The following CNTN3 variants were observed in gnomAD, a reference collection of about 807,000 sequenced individuals.
CNTN3 encodes the protein contactin 3.
Under a neutral mutation model 119.1 loss-of-function variants are expected in CNTN3, and 60 were observed. That is an observed-to-expected ratio of 0.50 (90% CI 0.41 to 0.62). CNTN3 has a LOEUF of 0.62. Among genes scored for constraint, CNTN3 ranks in the 20% least tolerant of loss-of-function variants. The pLI, the probability that CNTN3 is intolerant of heterozygous loss-of-function variation, is 0.00. For missense variants in CNTN3, 1,101 were observed against 1,242.4 expected, an observed-to-expected ratio of 0.89 and a Z score of 1.71; for synonymous variants, 450 against 438.7, an observed-to-expected ratio of 1.03 and a Z score of -0.32.
chr3:74,358,600 T>G (rs116390199), intron 11 of CNTN3, among the ~76,000 whole-genome samples: 21,009 of 148,168 alleles, frequency 0.14, 1,606 homozygotes, highest in African/African-American at 0.17. Context: ...TTTTTTGATT[T>G]ATTTATTTAT....
At chr3:74,406,463 C>T (rs922184100) in intron 5 of CNTN3, among the ~76,000 whole-genome samples, 2 of 151,624 alleles carry the variant, frequency 1.3e-5, no homozygotes, top group African/African-American at 4.8e-5. Context: ...GTTATTTAAA[C>T]ATGCTAAATT....
At chr3:74,332,789 A>T (rs1054529836) in intron 13 of CNTN3, among the ~76,000 whole-genome samples, 4 of 152,244 alleles carry the variant, frequency 2.6e-5, no homozygotes, top group African/African-American at 9.6e-5. Flanking sequence ...TTATAATGGC[A>T]AAGGTGACTA....
At chr3:74,515,632 T>G (rs1048945267) in intron 2 of CNTN3, among the ~76,000 whole-genome samples, 1 of 152,036 alleles carries the variant, frequency 6.6e-6, no homozygotes, top group Non-Finnish European at 1.5e-5. Context: ...TAGGTCAACA[T>G]AGCAGCCAGG....
chr3:74,427,505 C>G (rs996241631), intron 4 of CNTN3, among the ~76,000 whole-genome samples: 1 of 152,148 alleles, frequency 6.6e-6, no homozygotes, highest in Non-Finnish European at 1.5e-5. Context: ...GTCTAAAAAG[C>G]TTCAGATCAT....
chr3:74,277,835 T>C (rs1296965889), intron 20 of CNTN3, among the ~76,000 whole-genome samples: 1 of 152,112 alleles, frequency 6.6e-6, no homozygotes, highest in Non-Finnish European at 1.5e-5. Context: ...CTGTCACTGT[T>C]TGCTGATGAT....
At chr3:74,502,001 T>A (rs1703174754) in intron 2 of CNTN3, among the ~76,000 whole-genome samples, 1 of 152,134 alleles carries the variant, frequency 6.6e-6, no homozygotes, top group South Asian at 2.1e-4. Context: ...TCCTAGAAAG[T>A]CGAAAATATT....
At chr3:74,568,925 G>A (rs945750158) in intron 1 of CNTN3, among the ~76,000 whole-genome samples, 7 of 152,132 alleles carry the variant, frequency 4.6e-5, no homozygotes, top group African/African-American at 1.7e-4. Context: ...TTTCTGACAC[G>A]ACCTGTGGCT....
intron 19 of CNTN3, among the ~76,000 whole-genome samples, chr3:74,285,840 A>ATATAT (rs1702106652): frequency 2.1e-5 from 2 of 93,978 alleles, no homozygotes; most frequent in South Asian, 7.7e-4. Flanking sequence ...TATATATATA[A>ATATAT]AATTAAAAAT....
At chr3:74,320,297 A>G (rs1262938614) in intron 13 of CNTN3, among the ~76,000 whole-genome samples, 1 of 152,244 alleles carries the variant, frequency 6.6e-6, no homozygotes, top group Non-Finnish European at 1.5e-5. Context: ...GACTGGATTA[A>G]GAAAATGTGG....
intron 4 of CNTN3, among the ~76,000 whole-genome samples, chr3:74,470,416 T>C (rs1231624197): frequency 1.3e-5 from 2 of 152,186 alleles, no homozygotes; most frequent in African/African-American, 2.4e-5. Flanking sequence ...CATCCCCAGC[T>C]AGCAGCAGGA....
At chr3:74,428,400 G>C (rs1460146709) in intron 4 of CNTN3, among the ~76,000 whole-genome samples, 1 of 152,128 alleles carries the variant, frequency 6.6e-6, no homozygotes, top group Non-Finnish European at 1.5e-5. Context: ...AGTGGCATAA[G>C]ATGTGGAGGT....
intron 4 of CNTN3, among the ~76,000 whole-genome samples, chr3:74,486,019 A>AT: frequency 6.6e-6 from 1 of 152,282 alleles, no homozygotes; most frequent in African/African-American, 2.4e-5. Context: ...TTCTTCCTTA[A>AT]TATTTTCAGG....
chr3:74,331,327 C>T (rs957315548), intron 13 of CNTN3, among the ~76,000 whole-genome samples: 2 of 152,144 alleles, frequency 1.3e-5, no homozygotes, highest in Non-Finnish European at 2.9e-5. Context: ...GCATGTTGTG[C>T]AAGTTTGCAG....
chr3:74,330,446 C>A (rs1225072708), intron 13 of CNTN3, among the ~76,000 whole-genome samples: 1 of 152,014 alleles, frequency 6.6e-6, no homozygotes, highest in Non-Finnish European at 1.5e-5. Flanking sequence ...TGTGATGATG[C>A]TGAGGTAAAC....
chr3:74,452,031 G>GT lies in CNTN3; in HGVS notation c.359-27092dup, dbSNP rs1228363650. Among the ~76,000 whole-genome samples the GT allele has an allele frequency of 2.5e-3, 368 of 145,064 alleles. 4 individuals carry two copies. The highest frequency in any genetic ancestry group is 0.024 in the Admixed American group (339 of 14,336). On this transcript the variant is annotated intron_variant, in intron 4 of 22. Coordinates refer to ENST00000263665, the MANE Select transcript of CNTN3 (RefSeq NM_020872.3). ...TTGGTTCCATATGAACTTTAAAGTA[G>GT]TTTTTTCCAATTCTGTGAAGAAAGT... is the stretch of plus-strand genomic sequence containing the variant.
chr3:74,351,224 A>T (rs1305801464), intron 11 of CNTN3, among the ~76,000 whole-genome samples: 1 of 152,222 alleles, frequency 6.6e-6, no homozygotes, highest in Non-Finnish European at 1.5e-5. Context: ...CAATCCACTG[A>T]GTTTTAAAAA....
At chr3:74,401,065 T>A (rs1373859727) in intron 5 of CNTN3, among the ~76,000 whole-genome samples, 1 of 152,152 alleles carries the variant, frequency 6.6e-6, no homozygotes, top group African/African-American at 2.4e-5. Context: ...GAAGAAAAAC[T>A]CAAGAGGGAT....
chr3:74,355,618 C>A, intron 11 of CNTN3, among the ~76,000 whole-genome samples: 1 of 151,914 alleles, frequency 6.6e-6, no homozygotes, highest in Non-Finnish European at 1.5e-5. Flanking sequence ...CCATGCCTAG[C>A]TAATTTTTGT....
At chr3:74,543,265 CA>C (rs1703867385) in intron 1 of CNTN3, among the ~76,000 whole-genome samples, 1 of 151,936 alleles carries the variant, frequency 6.6e-6, no homozygotes, top group African/African-American at 2.4e-5. Flanking sequence ...ATGATGCGAC[CA>C]AAAAATAAGA....
Sources: allele counts gnomAD v4.1 joint callset (sites outside exome capture counted in the v4.1 genomes callset), GRCh38; gene constraint gnomAD v4.1.1; transcripts MANE v1.5; gene names NCBI Gene and HGNC (gene_info 2026-07-23, HGNC 2026-07-21).